Variants in DCC observed in about 807,000 individuals in gnomAD.
The protein encoded by DCC is DCC netrin 1 receptor.
In DCC, 58 loss-of-function variants were observed where a neutral mutation model predicts 172.5. The ratio of observed to expected loss-of-function variants is 0.34; its 90% CI spans 0.27 to 0.42. The LOEUF is 0.42. DCC is among the 10% of genes least tolerant of loss of function. The probability of loss-of-function intolerance (pLI) is 1.00; values close to 1 mark genes in which losing one functional copy is unlikely to be tolerated. For synonymous variants in DCC, 709 were observed against 644.5 expected (o/e 1.10, Z -1.52); for missense variants, 1,740 against 1,791.0 (o/e 0.97, Z 0.51).
At chr18:53,271,500 G>C (rs949667159) in intron 12 of DCC, among the ~76,000 whole-genome samples, 1 of 152,244 alleles carries the variant, frequency 6.6e-6, no homozygotes, top group East Asian at 1.9e-4. Flanking sequence ...GTTTGACTGG[G>C]GAAGGTCTGC....
chr18:52,409,204 G>A (rs1986759396), intron 1 of DCC: 1 of 152,112 alleles, frequency 6.6e-6, no homozygotes, highest in East Asian at 1.9e-4. Flanking sequence ...CTCAGGCACA[G>A]GATATCACTA....
intron 1 of DCC, among the ~76,000 whole-genome samples, chr18:52,634,073 A>T (rs2144885520): frequency 6.6e-6 from 1 of 152,284 alleles, no homozygotes; most frequent in South Asian, 2.1e-4. Context: ...GGGAGGAGTC[A>T]CTCTCTTCAG....
At chr18:52,512,412 T>C (rs1388524199) in intron 1 of DCC, among the ~76,000 whole-genome samples, 1 of 152,200 alleles carries the variant, frequency 6.6e-6, no homozygotes, top group South Asian at 2.1e-4. Context: ...ATGTTCAGTA[T>C]CCTGGACAAC....
At chr18:53,286,959 A>C (rs964106133) in intron 12 of DCC, among the ~76,000 whole-genome samples, 1 of 152,110 alleles carries the variant, frequency 6.6e-6, no homozygotes, top group Non-Finnish European at 1.5e-5. Flanking sequence ...ATTGGGACTC[A>C]TTATACTATT....
chr18:53,048,400 G>C (rs760358438), intron 5 of DCC, among the ~76,000 whole-genome samples: 1 of 151,270 alleles, frequency 6.6e-6, no homozygotes. Flanking sequence ...TTCTGCGTTA[G>C]TTTGCTAAGG....
intron 27 of DCC, among the ~76,000 whole-genome samples, chr18:53,511,936 A>T (rs959343993): frequency 2.0e-5 from 3 of 152,244 alleles, no homozygotes; most frequent in Non-Finnish European, 4.4e-5. Context: ...CAAAGCAACC[A>T]GGAAGCTCGA....
intron 8 of DCC, among the ~76,000 whole-genome samples, chr18:53,175,039 T>G (rs1345841806): frequency 4.6e-5 from 7 of 151,488 alleles, no homozygotes; most frequent in Non-Finnish European, 7.4e-5. Flanking sequence ...AATCAATAAA[T>G]GTAATCCAGC....
At chr18:53,358,503 A>G (rs1306257666) in intron 15 of DCC, among the ~76,000 whole-genome samples, 1 of 151,346 alleles carries the variant, frequency 6.6e-6, no homozygotes, top group Non-Finnish European at 1.5e-5. Flanking sequence ...GGAGGATACT[A>G]AGAAATGTAA....
intron 1 of DCC, among the ~76,000 whole-genome samples, chr18:52,712,191 C>A (rs763275783): frequency 1.3e-5 from 2 of 152,140 alleles, no homozygotes; most frequent in African/African-American, 4.8e-5. Context: ...GATCTCTTGA[C>A]CTTGTGATCC....
chr18:53,214,065 T>C (rs1350534638), intron 11 of DCC, among the ~76,000 whole-genome samples: 1 of 152,048 alleles, frequency 6.6e-6, no homozygotes, highest in South Asian at 2.1e-4. Context: ...TGAATAAATA[T>C]CTTTTTCCTT....
chr18:52,914,707 C>T (rs1267217236), intron 3 of DCC, among the ~76,000 whole-genome samples: 6 of 152,028 alleles, frequency 3.9e-5, no homozygotes, highest in Non-Finnish European at 8.8e-5. Context: ...TAGTAGAGTA[C>T]CTACTGGTGT....
At chr18:53,347,597 TAA>T (rs2057740002) in intron 15 of DCC, among the ~76,000 whole-genome samples, 1 of 152,188 alleles carries the variant, frequency 6.6e-6, no homozygotes, top group African/African-American at 2.4e-5. Flanking sequence ...TTAGAGGAAC[TAA>T]AAATGACTCT....
intron 3 of DCC, among the ~76,000 whole-genome samples, chr18:52,911,694 T>G (rs757818132): frequency 8.6e-5 from 13 of 151,328 alleles, no homozygotes; most frequent in Non-Finnish European, 1.3e-4. Context: ...CACATTAGGT[T>G]AATGCATTAC....
At chr18:52,805,591 T>A (rs748041938) in intron 2 of DCC, among the ~76,000 whole-genome samples, 1 of 152,214 alleles carries the variant, frequency 6.6e-6, no homozygotes, top group Non-Finnish European at 1.5e-5. Flanking sequence ...ATTTTAAAAA[T>A]GGGACATACA....
At chr18:53,378,103 AG>A (rs1439423859) in intron 15 of DCC, among the ~76,000 whole-genome samples, 1 of 152,106 alleles carries the variant, frequency 6.6e-6, no homozygotes, top group Non-Finnish European at 1.5e-5. Flanking sequence ...CTGGGATTAC[AG>A]GCACGTGCCT....
At chr18:53,353,644 A>T (rs1433596879) in intron 15 of DCC, among the ~76,000 whole-genome samples, 1 of 152,156 alleles carries the variant, frequency 6.6e-6, no homozygotes. Flanking sequence ...GTTTGCTATT[A>T]AAACTTATTT....
intron 8 of DCC, among the ~76,000 whole-genome samples, chr18:53,161,779 T>C (rs28631779): frequency 0.4 from 61,339 of 151,980 alleles, 13,306 homozygotes; most frequent in East Asian, 0.71. Context: ...GTAGTTAATT[T>C]TTAATTCTTA....
At chr18:52,424,737 A>T (rs1256653359) in intron 1 of DCC, among the ~76,000 whole-genome samples, 2 of 152,100 alleles carry the variant, frequency 1.3e-5, no homozygotes, top group Non-Finnish European at 2.9e-5. Context: ...CAATGGGAGA[A>T]CTGATGGTTG....
chr18:52,783,144 G>A (rs1317529805), intron 2 of DCC, among the ~76,000 whole-genome samples: 1 of 151,864 alleles, frequency 6.6e-6, no homozygotes, highest in Non-Finnish European at 1.5e-5. Context: ...TATCATTTAA[G>A]TGAATAATAA....
Sources: allele counts gnomAD v4.1 joint callset (sites outside exome capture counted in the v4.1 genomes callset), GRCh38; gene constraint gnomAD v4.1.1; transcripts MANE v1.5; gene names NCBI Gene and HGNC (gene_info 2026-07-23, HGNC 2026-07-21).